NUAK1: variants seen among roughly 807,000 people sequenced by gnomAD.
NUAK1 encodes NUAK family SNF1-like kinase 1.
NUAK1 carries 26 observed loss-of-function variants against 56.9 expected under a neutral mutation model. The ratio of observed to expected loss-of-function variants is 0.46; its 90% CI spans 0.33 to 0.63. NUAK1 has a LOEUF of 0.63. Ranked by LOEUF, NUAK1 falls within the 30% of genes least tolerant of loss-of-function variation. The pLI is 0.02. For missense variants in NUAK1, 727 were observed against 876.1 expected (o/e 0.83, Z 2.15); for synonymous variants, 337 against 336.0 (o/e 1.00, Z -0.03).
intron 3 of NUAK1, among the ~76,000 whole-genome samples, chr12:106,085,095 A>G (rs1390229775): frequency 1.3e-5 from 2 of 152,244 alleles, no homozygotes; most frequent in African/African-American, 2.4e-5. Flanking sequence ...CTGTTAGAAG[A>G]AAGATGTGGA....
intron 4 of NUAK1, among the ~76,000 whole-genome samples, chr12:106,080,589 G>T (rs879036936): frequency 6.6e-6 from 1 of 152,344 alleles, no homozygotes; most frequent in Admixed American, 6.5e-5. Context: ...CGCAGTGCCA[G>T]ATAAATAATT....
chr12:106,091,770 C>T (rs756638348), intron 2 of NUAK1, among the ~76,000 whole-genome samples: 1 of 152,178 alleles, frequency 6.6e-6, no homozygotes, highest in Non-Finnish European at 1.5e-5. Flanking sequence ...AGACAGGGAT[C>T]TCTCCTTCCC....
chr12:106,087,062 G>A (rs1432700507), intron 2 of NUAK1, 177 bp from the exon 3 acceptor site: 2 of 617,736 alleles, frequency 3.2e-6, no homozygotes, highest in South Asian at 5.0e-5. Flanking sequence ...GTCCCGCCAG[G>A]TGGAAAATGG....
intron 1 of NUAK1, among the ~76,000 whole-genome samples, chr12:106,134,520 A>G (rs2033110203): frequency 6.6e-6 from 1 of 151,148 alleles, no homozygotes; most frequent in Non-Finnish European, 1.5e-5. Flanking sequence ...CCCATCCCAG[A>G]CTCCCCCCCA....
At chr12:106,112,209 G>A (rs1022506666) in intron 1 of NUAK1, among the ~76,000 whole-genome samples, 2 of 152,096 alleles carry the variant, frequency 1.3e-5, no homozygotes, top group African/African-American at 4.8e-5. Context: ...AGCAACACGA[G>A]CTGGCAACTT....
In NUAK1 at chr12:106,086,753, G is replaced by C; in HGVS notation, c.494C>G (p.Ala165Gly). ...CCATACCTTGTGACAATAGTGCACA[G>C]CAGAGACGATCTGCCGGAAGAAGTG... ...TRHFFRQIVS[A>G]VHYCHKNGVV... The change falls in exon 3 of 7, where the codon GCT becomes GGT. Residue 165 changes from alanine to glycine, a missense_variant. Ala to Gly is a moderately conservative substitution (Grantham distance 60). Transcript: ENST00000261402. 1 of 1,614,030 alleles carries C rather than the reference G, an allele frequency of 6.2e-7. No homozygotes were observed. Among genetic ancestry groups the C allele is most frequent in the Non-Finnish European group, 8.5e-7 (1 of 1,179,908 alleles).
At chr12:106,093,432 G>A (rs905716291) in intron 2 of NUAK1, among the ~76,000 whole-genome samples, 11 of 152,176 alleles carry the variant, frequency 7.2e-5, no homozygotes, top group Admixed American at 3.3e-4. Context: ...TCAGATGTTC[G>A]GTTTGACAGT....
chr12:106,102,324 C>T (rs962289258), intron 2 of NUAK1, among the ~76,000 whole-genome samples: 2 of 152,174 alleles, frequency 1.3e-5, no homozygotes, highest in Non-Finnish European at 2.9e-5. Context: ...ACACATGAAA[C>T]ATTATATAGC....
intron 2 of NUAK1, among the ~76,000 whole-genome samples, chr12:106,087,131 C>G (rs992346463): frequency 6.6e-6 from 1 of 152,184 alleles, no homozygotes; most frequent in Non-Finnish European, 1.5e-5. Context: ...AAATGTGGTT[C>G]CCTTTTCTGA....
At chr12:106,070,226 G>A (rs976015080) in intron 6 of NUAK1, among the ~76,000 whole-genome samples, 10 of 151,178 alleles carry the variant, frequency 6.6e-5, no homozygotes, top group Non-Finnish European at 1.3e-4. Context: ...GGCCATAAGA[G>A]CACTTCCCAA....
Position 106,085,866 on chromosome 12 carries a change from CT to C in NUAK1, c.513+867del, listed in dbSNP as rs532074377. On this transcript the variant is annotated intron_variant, in intron 3 of 6. Transcript: ENST00000261402. ...GGACTACAGGTGCGCAACCTCATGC[CT>C]GGCTACTTTTTAAAAAAAATTTTAA... Among the ~76,000 whole-genome samples, 377 of 152,148 alleles carry C rather than the reference CT, an allele frequency of 2.5e-3. 2 individuals are homozygous for C. Among genetic ancestry groups the C allele is most frequent in the African/African-American group, 8.1e-3 (338 of 41,480 alleles).
At position 106,066,829 on chromosome 12, in the gene NUAK1, C is replaced by A. The variant is rs375354064; in HGVS notation, c.1959G>T (p.Ala653=). 5 of 1,612,230 alleles carry A rather than the reference C, an allele frequency of 3.1e-6. No individual in the cohort carries two copies. Among genetic ancestry groups the A allele is most frequent in the African/African-American group, 2.7e-5 (2 of 74,910 alleles). The change falls in exon 7 of 7, where the codon GCG becomes GCT. Residue 653 remains alanine, a synonymous_variant. Coordinates refer to ENST00000261402, the MANE Select transcript of NUAK1 (RefSeq NM_014840.3). ...AGTTGAGCTTGCTGCAGATCTCCAG[C>A]GCTTGCTTGTAGACCTGAGTCACAT... The part of the protein sequence containing the change: ...MDDVTQVYKQ[A]LEICSKLN
chr12:106,080,873 G>A (rs988708898), intron 4 of NUAK1, among the ~76,000 whole-genome samples: 3 of 151,652 alleles, frequency 2.0e-5, no homozygotes, highest in Non-Finnish European at 3.0e-5. Flanking sequence ...GTCCAGACAC[G>A]GATGGCAGGG....
chr12:106,084,763 G>T (rs2032554985), intron 3 of NUAK1, among the ~76,000 whole-genome samples: 1 of 152,132 alleles, frequency 6.6e-6, no homozygotes, highest in African/African-American at 2.4e-5. Context: ...TCTTTTTAGG[G>T]GGTGGGTGGG....
chr12:106,126,421 G>A (rs960988127), intron 1 of NUAK1, among the ~76,000 whole-genome samples: 12 of 152,150 alleles, frequency 7.9e-5, no homozygotes, highest in African/African-American at 1.9e-4. Flanking sequence ...TCATAATTTC[G>A]AGCTCAGACA....
intron 1 of NUAK1, among the ~76,000 whole-genome samples, chr12:106,131,963 G>A (rs756743758): frequency 3.3e-5 from 5 of 152,172 alleles, no homozygotes; most frequent in African/African-American, 4.8e-5. Flanking sequence ...GGGCCAGCAC[G>A]ATGATAAATG....
At chr12:106,133,784 C>A (rs2033103767) in intron 1 of NUAK1, among the ~76,000 whole-genome samples, 1 of 152,174 alleles carries the variant, frequency 6.6e-6, no homozygotes, top group African/African-American at 2.4e-5. Context: ...AACTGTTGTC[C>A]AACTTGAAAA....
At chr12:106,070,490 T>C (rs866348869) in intron 6 of NUAK1, among the ~76,000 whole-genome samples, 1 of 152,174 alleles carries the variant, frequency 6.6e-6, no homozygotes, top group African/African-American at 2.4e-5. Flanking sequence ...AACGTTTTTA[T>C]TTATGGTGGA....
At chr12:106,072,054 G>A (rs1431588541) in intron 5 of NUAK1, among the ~76,000 whole-genome samples, 1 of 152,144 alleles carries the variant, frequency 6.6e-6, no homozygotes, top group East Asian at 1.9e-4. Context: ...ATCTTACAGT[G>A]GCCCTTGAAA....
Sources: gnomAD v4.1 joint callset for allele counts (sites outside exome capture counted in the v4.1 genomes callset) on GRCh38, gnomAD v4.1.1 for gene constraint, MANE v1.5 for transcripts, NCBI Gene and HGNC (gene_info 2026-07-23, HGNC 2026-07-21) for gene names.